DYM: variants seen among roughly 807,000 people sequenced by gnomAD.
The protein encoded by DYM is dyggve-Melchior-Clausen syndrome protein.
Under a neutral mutation model 93.1 loss-of-function variants are expected in DYM, and 78 were observed. The observed-to-expected ratio is 0.84, with a 90% CI of 0.70 to 1.01. The LOEUF is 1.01. Among genes scored for constraint, DYM ranks in the 50% least tolerant of loss-of-function variants. DYM has a pLI of 0.00. For synonymous variants in DYM, 321 were observed against 319.7 expected, an observed-to-expected ratio of 1.00 and a Z score of -0.04; for missense variants, 789 against 845.0, an observed-to-expected ratio of 0.93 and a Z score of 0.82.
intron 13 of DYM, among the ~76,000 whole-genome samples, chr18:49,218,966 A>T (rs1164504378): frequency 1.3e-5 from 2 of 152,182 alleles, no homozygotes; most frequent in Admixed American, 6.5e-5. Context: ...TGAATTCAGG[A>T]GCTGGTTTTT....
intron 2 of DYM, among the ~76,000 whole-genome samples, chr18:49,392,955 A>G (rs1447553314): frequency 1.4e-5 from 2 of 147,578 alleles, no homozygotes; most frequent in Non-Finnish European, 3.0e-5. Context: ...AGATCGTGCC[A>G]CTGCACTCCA....
At chr18:49,128,668 T>C (rs2083072663) in intron 15 of DYM, among the ~76,000 whole-genome samples, 1 of 152,174 alleles carries the variant, frequency 6.6e-6, no homozygotes, top group African/African-American at 2.4e-5. Flanking sequence ...ATAAAGTATT[T>C]AGACAATACT....
At chr18:49,383,607 G>A (rs2068262870) in intron 3 of DYM, among the ~76,000 whole-genome samples, 1 of 152,188 alleles carries the variant, frequency 6.6e-6, no homozygotes, top group Non-Finnish European at 1.5e-5. Context: ...CAGCCTCTCT[G>A]GGAGCAAACA....
intron 15 of DYM, among the ~76,000 whole-genome samples, chr18:49,155,625 G>A (rs1180018967): frequency 6.6e-6 from 1 of 152,172 alleles, no homozygotes; most frequent in African/African-American, 2.4e-5. Context: ...ATATACATGA[G>A]ATCAAACAAT....
intron 11 of DYM, among the ~76,000 whole-genome samples, chr18:49,258,755 T>C (rs924619326): frequency 7.4e-5 from 11 of 149,232 alleles, no homozygotes; most frequent in African/African-American, 2.7e-4. Context: ...ACATTTCCAC[T>C]GTAGATTTGT....
chr18:49,219,380 G>A (rs1317264520), intron 13 of DYM, among the ~76,000 whole-genome samples: 3 of 152,320 alleles, frequency 2.0e-5, no homozygotes, highest in Admixed American at 2.0e-4. Context: ...AATAGAAAAA[G>A]AGGGAACCCT....
intron 12 of DYM, among the ~76,000 whole-genome samples, chr18:49,257,892 A>G (rs2145157990): frequency 6.6e-6 from 1 of 152,172 alleles, no homozygotes; most frequent in Middle Eastern, 3.4e-3. Context: ...CTTAGCTATG[A>G]ATTCTGTACA....
intron 14 of DYM, among the ~76,000 whole-genome samples, chr18:49,168,094 T>C (rs952328679): frequency 4.6e-5 from 7 of 152,144 alleles, no homozygotes; most frequent in Admixed American, 2.0e-4. Context: ...TTACACATCA[T>C]TTACAGATAA....
At chr18:49,368,899 T>C (rs1328238065) in intron 5 of DYM, among the ~76,000 whole-genome samples, 1 of 152,222 alleles carries the variant, frequency 6.6e-6, no homozygotes, top group Non-Finnish European at 1.5e-5. Flanking sequence ...AAATTTCCTA[T>C]CTTGTATCAC....
intron 17 of DYM, among the ~76,000 whole-genome samples, chr18:49,065,781 A>G (rs1277838925): frequency 6.6e-6 from 1 of 152,180 alleles, no homozygotes; most frequent in Admixed American, 6.5e-5. Context: ...CCAAACATAT[A>G]ACAACTATGA....
chr18:49,435,738 G>C (rs918162070), intron 1 of DYM, among the ~76,000 whole-genome samples: 1 of 152,088 alleles, frequency 6.6e-6, no homozygotes, highest in East Asian at 1.9e-4. Flanking sequence ...GCAGTGAACC[G>C]AGATCGTGCC....
intron 15 of DYM, among the ~76,000 whole-genome samples, chr18:49,146,599 C>T (rs1206597423): frequency 6.6e-6 from 1 of 152,106 alleles, no homozygotes; most frequent in Non-Finnish European, 1.5e-5. Context: ...TTCACAATTG[C>T]TTCAAAGAGA....
chr18:49,446,918 G>C (rs1333886651), intron 1 of DYM, among the ~76,000 whole-genome samples: 1 of 152,110 alleles, frequency 6.6e-6, no homozygotes. Context: ...AATTAGCTGG[G>C]TGTGGTGGCA....
At chr18:49,320,244 C>G (rs2062360773) in intron 8 of DYM, among the ~76,000 whole-genome samples, 1 of 152,098 alleles carries the variant, frequency 6.6e-6, no homozygotes, top group African/African-American at 2.4e-5. Flanking sequence ...CACAGTGATT[C>G]TATTTTCCTC....
intron 17 of DYM, among the ~76,000 whole-genome samples, chr18:49,055,257 G>A (rs1359408099): frequency 6.6e-6 from 1 of 152,158 alleles, no homozygotes; most frequent in Non-Finnish European, 1.5e-5. Context: ...GGTAAGTTTG[G>A]AGAGGTGGGT....
intron 1 of DYM, among the ~76,000 whole-genome samples, chr18:49,450,564 C>T (rs2082438873): frequency 1.3e-5 from 2 of 152,320 alleles, no homozygotes; most frequent in South Asian, 4.1e-4. Flanking sequence ...TCAAAATTGT[C>T]CTTCCTGATG....
intron 15 of DYM, among the ~76,000 whole-genome samples, chr18:49,157,292 A>T (rs571964245): frequency 2.0e-5 from 3 of 152,126 alleles, no homozygotes; most frequent in Non-Finnish European, 4.4e-5. Flanking sequence ...CTCTTTCTGC[A>T]CTAAAGAGCT....
At chr18:49,299,055 T>G (rs991123493) in intron 8 of DYM, among the ~76,000 whole-genome samples, 1 of 152,208 alleles carries the variant, frequency 6.6e-6, no homozygotes, top group Non-Finnish European at 1.5e-5. Context: ...TAAACAAGTC[T>G]GAGTCCGGTT....
chr18:49,400,870 C>T (rs1412141555), intron 2 of DYM, among the ~76,000 whole-genome samples: 2 of 152,144 alleles, frequency 1.3e-5, no homozygotes. Flanking sequence ...CTGTTACAGG[C>T]ATCTATGCAC....
Sources: gnomAD v4.1 joint callset for allele counts (sites outside exome capture counted in the v4.1 genomes callset) on GRCh38, gnomAD v4.1.1 for gene constraint, MANE v1.5 for transcripts, NCBI Gene and HGNC (gene_info 2026-07-23, HGNC 2026-07-21) for gene names.